Variants in C14orf132 observed in about 807,000 individuals in gnomAD.
C14orf132 encodes uncharacterized protein C14orf132.
A neutral mutation model predicts 5.8 loss-of-function variants in C14orf132; 6 were observed. The ratio of observed to expected loss-of-function variants is 1.03; its 90% CI spans 0.57 to 2.04. The LOEUF (loss-of-function observed/expected upper bound fraction) is 2.04. C14orf132 is among the 30% of genes most tolerant of loss of function. C14orf132 has a pLI of 0.00. For missense variants in C14orf132, 125 were observed against 115.8 expected (o/e 1.08, Z -0.37); for synonymous variants, 51 against 49.8 (o/e 1.02, Z -0.10).
intron 1 of C14orf132, among the ~76,000 whole-genome samples, chr14:96,083,109 C>A (rs972395396): frequency 6.6e-6 from 1 of 152,208 alleles, no homozygotes; most frequent in Non-Finnish European, 1.5e-5. Context: ...AGGCCTGTCC[C>A]ACGGCTGGGA....
chr14:96,053,131 A>G (rs1191223797), intron 1 of C14orf132, among the ~76,000 whole-genome samples: 1 of 152,182 alleles, frequency 6.6e-6, no homozygotes, highest in African/African-American at 2.4e-5. Context: ...TTAAAAGCCC[A>G]GAGGCTTTTT....
At chr14:96,066,670 A>G (rs1887539380) in intron 1 of C14orf132, among the ~76,000 whole-genome samples, 2 of 152,194 alleles carry the variant, frequency 1.3e-5, no homozygotes, top group South Asian at 4.1e-4. Flanking sequence ...CTCAACCCGT[A>G]TCCTACAAGT....
intron 1 of C14orf132, among the ~76,000 whole-genome samples, chr14:96,064,440 G>A (rs1242005465): frequency 6.7e-6 from 1 of 148,292 alleles, no homozygotes; most frequent in African/African-American, 2.5e-5. Flanking sequence ...ATATATATGT[G>A]TATATATATG....
chr14:96,042,855 C>T (rs1442608448), intron 1 of C14orf132, among the ~76,000 whole-genome samples: 2 of 152,214 alleles, frequency 1.3e-5, no homozygotes, highest in Admixed American at 1.3e-4. Flanking sequence ...GCCTGAGTCT[C>T]TGGTGACTCT....
chr14:96,070,090 TC>T (rs1357370204), intron 1 of C14orf132, among the ~76,000 whole-genome samples: 1 of 152,116 alleles, frequency 6.6e-6, no homozygotes, highest in Non-Finnish European at 1.5e-5. Flanking sequence ...CTGAAATGCA[TC>T]CCCAGACCTC....
intron 1 of C14orf132, among the ~76,000 whole-genome samples, chr14:96,065,169 T>C (rs2139663183): frequency 6.6e-6 from 1 of 152,252 alleles, no homozygotes; most frequent in South Asian, 2.1e-4. Context: ...CGGATTGTGT[T>C]GGCACAGGAT....
At chr14:96,052,491 C>T (rs1887059264) in intron 1 of C14orf132, among the ~76,000 whole-genome samples, 1 of 152,244 alleles carries the variant, frequency 6.6e-6, no homozygotes, top group South Asian at 2.1e-4. Context: ...GTTCTCATCT[C>T]ATTTATGTCA....
At chr14:96,055,284 CTT>C (rs1048689266) in intron 1 of C14orf132, among the ~76,000 whole-genome samples, 8 of 152,206 alleles carry the variant, frequency 5.3e-5, no homozygotes, top group African/African-American at 1.9e-4. Context: ...AAATCCCACT[CTT>C]TTCAGGGAGA....
At position 96,045,166 on chromosome 14, in the gene C14orf132, C is replaced by T. The variant is rs374073344; in HGVS notation, c.27+5639C>T. On this transcript the variant is annotated intron_variant, in intron 1 of 1. Transcript: ENST00000555004. ...TTTCCTGTGTGCCAGGCCCTCCCTA[C>T]ATGGAATGCTTTAGGTTAAGGGATG... Among the ~76,000 whole-genome samples the T allele has an allele frequency of 8.5e-5, 13 of 152,330 alleles. 1 individual carries two copies. The highest frequency in any genetic ancestry group is 3.1e-4 in the African/African-American group (13 of 41,568).
At chr14:96,077,599 T>C (rs1887909913) in intron 1 of C14orf132, among the ~76,000 whole-genome samples, 1 of 152,180 alleles carries the variant, frequency 6.6e-6, no homozygotes, top group Admixed American at 6.5e-5. Context: ...CACCTTGATC[T>C]TGGACGTCCA....
intron 1 of C14orf132, among the ~76,000 whole-genome samples, chr14:96,045,533 T>C (rs1886809537): frequency 6.6e-6 from 1 of 152,200 alleles, no homozygotes; most frequent in African/African-American, 2.4e-5. Context: ...GGGGCTGTGA[T>C]GCCCTGGAGA....
rs1453807104 is a variant in C14orf132, at chr14:96,093,198, C to A, written c.*6463C>A. ...TGTGGTCTCTTAGAAATCCATGTGA[C>A]TGTTTCCACCATCTTGGGCATTTGT... On this transcript the variant is annotated 3_prime_UTR_variant, in exon 2 of 2. Coordinates refer to ENST00000555004, the MANE Select transcript of C14orf132 (RefSeq NM_001252507.3). 2 of 152,230 alleles carry A rather than the reference C, an allele frequency of 1.3e-5. No individual in the cohort carries two copies. The highest frequency in any genetic ancestry group is 6.5e-5 in the Admixed American group (1 of 15,286). The allele number at this position is 152,230 out of a possible 1,614,324, so 9.4% of individuals were successfully genotyped here.
At chr14:96,080,816 C>T (rs1196188503) in intron 1 of C14orf132, among the ~76,000 whole-genome samples, 2 of 152,138 alleles carry the variant, frequency 1.3e-5, no homozygotes, top group African/African-American at 4.8e-5. Context: ...GGTGCCCCGA[C>T]ACTGCGGGGC....
In C14orf132 at chr14:96,088,164, C is replaced by G. The variant is rs1888264132; in HGVS notation, c.*1429C>G. On this transcript the variant is annotated 3_prime_UTR_variant, in exon 2 of 2. Coordinates refer to ENST00000555004, the MANE Select transcript of C14orf132 (RefSeq NM_001252507.3). ...TCTCGTGTATATTTAGAGACAATTA[C>G]AAGAAAGCTGGACTTGCCGCTGTGG... The G allele has an allele frequency of 6.6e-6, 1 of 152,164 alleles. No individual in the cohort carries two copies. Among genetic ancestry groups the G allele is most frequent in the South Asian group, 2.1e-4 (1 of 4,824 alleles). 9.4% of individuals were successfully genotyped at this position (152,164 alleles called of 1,614,324 possible). A position where few individuals can be genotyped will look rare whatever the true frequency, so the allele number is the denominator to read the frequency against.
chr14:96,048,369 A>G (rs1293846168), intron 1 of C14orf132, among the ~76,000 whole-genome samples: 1 of 152,128 alleles, frequency 6.6e-6, no homozygotes, highest in Non-Finnish European at 1.5e-5. Flanking sequence ...CTTAACTCCT[A>G]GCAATCACTG....
chr14:96,049,448 C>T (rs1224358127), intron 1 of C14orf132, among the ~76,000 whole-genome samples: 1 of 148,020 alleles, frequency 6.8e-6, no homozygotes, highest in African/African-American at 2.5e-5. Flanking sequence ...TCACACCATT[C>T]TCCTGCCTCA....
intron 1 of C14orf132, among the ~76,000 whole-genome samples, chr14:96,059,198 T>C (rs1259430132): frequency 6.6e-6 from 1 of 152,146 alleles, no homozygotes; most frequent in African/African-American, 2.4e-5. Context: ...GGTGGAAGGA[T>C]TGCTTGAGCC....
At position 96,086,634 on chromosome 14, in the gene C14orf132, C is replaced by T; in HGVS notation, c.151C>T (p.Pro51Ser). 2 of 1,536,182 alleles carry T rather than the reference C, an allele frequency of 1.3e-6. No individual in the cohort carries two copies. The highest frequency in any genetic ancestry group is 1.7e-6 in the Non-Finnish European group (2 of 1,146,932). Residue 51 changes from proline to serine, a missense_variant, in exon 2 of 2, where the codon CCT becomes TCT. Coordinates refer to ENST00000555004, the MANE Select transcript of C14orf132 (RefSeq NM_001252507.3). ...CAATGGCCAGGGCCAGCCGGAAGAT[C>T]CTCCTCGGTCCTCCAACGACGCCGT... ...AANGQGQPED[P>S]PRSSNDAVLL...
intron 1 of C14orf132, among the ~76,000 whole-genome samples, chr14:96,056,790 C>G (rs923455000): frequency 6.6e-6 from 1 of 152,126 alleles, no homozygotes. Context: ...CAGAAAACCC[C>G]GGTCCAAATT....
Sources: allele counts gnomAD v4.1 joint callset (sites outside exome capture counted in the v4.1 genomes callset), GRCh38; gene constraint gnomAD v4.1.1; transcripts MANE v1.5; gene names NCBI Gene and HGNC (gene_info 2026-07-23, HGNC 2026-07-21).